CSMD1: variants seen among roughly 807,000 people sequenced by gnomAD.
CSMD1 encodes CUB and Sushi multiple domains 1.
In CSMD1, 213 loss-of-function variants were observed where a neutral mutation model predicts 417.5. The observed-to-expected ratio is 0.51, with a 90% confidence interval of 0.46 to 0.57. The LOEUF (loss-of-function observed/expected upper bound fraction) is 0.57, where lower values mean the gene tolerates loss of function less well. Among genes scored for constraint, CSMD1 ranks in the 20% least tolerant of loss-of-function variants. The pLI, the probability that CSMD1 is intolerant of heterozygous loss-of-function variation, is 0.00. For synonymous variants in CSMD1, 2,862 were observed against 1,736.8 expected, an observed-to-expected ratio of 1.65 and a Z score of -16.11; for missense variants, 6,923 against 4,529.7, an observed-to-expected ratio of 1.53 and a Z score of -15.17.
intron 1 of CSMD1, among the ~76,000 whole-genome samples, chr8:4,813,296 C>A (rs1799011514): frequency 6.6e-6 from 1 of 152,142 alleles, no homozygotes; most frequent in East Asian, 1.9e-4. Flanking sequence ...ACAAATCACT[C>A]CCCCCACAGA....
chr8:3,238,979 T>TC, intron 26 of CSMD1, among the ~76,000 whole-genome samples: 1 of 152,150 alleles, frequency 6.6e-6, no homozygotes, highest in Non-Finnish European at 1.5e-5. Flanking sequence ...ACAAGTTTTT[T>TC]GGGGCACAGT....
intron 5 of CSMD1, among the ~76,000 whole-genome samples, chr8:3,925,665 GCCT>G (rs1218877817): frequency 6.6e-6 from 1 of 151,796 alleles, no homozygotes; most frequent in South Asian, 2.1e-4. Context: ...TTCCACTTTT[GCCT>G]CCTCCTCATT....
At position 4,911,975 on chromosome 8, in the gene CSMD1, A is replaced by G. The variant is rs534742854; in HGVS notation, c.85+82357T>C. 7.2e-5 allele frequency among the ~76,000 whole-genome samples: 11 copies of G among 152,160 alleles called. No individual in the cohort carries two copies. The South Asian group carries it at 2.3e-3, about 32-fold the overall frequency. ...CCCACCCAGAAAGTTCAGTTTAATA[A>G]TTTCTCCACAAGAAGTACGTACTCT... On this transcript the variant is annotated intron_variant, in intron 1 of 69. Coordinates refer to ENST00000635120, the MANE Select transcript of CSMD1 (RefSeq NM_033225.6).
chr8:4,205,457 ATACT>A (rs896456730), intron 3 of CSMD1, among the ~76,000 whole-genome samples: 1 of 152,250 alleles, frequency 6.6e-6, no homozygotes, highest in Non-Finnish European at 1.5e-5. Flanking sequence ...GCCCATTTAT[ATACT>A]TACAAAAGCA....
Position 3,421,252 on chromosome 8 carries a change from G to C in CSMD1, c.1562-11647C>G, listed in dbSNP as rs186281170. Among the ~76,000 whole-genome samples the C allele has an allele frequency of 2.6e-5, 4 of 152,332 alleles. No homozygotes were observed. In the East Asian group the frequency reaches 7.7e-4, roughly 29 times the overall value. On this transcript the variant is annotated intron_variant, in intron 12 of 69. Coordinates refer to ENST00000635120, the MANE Select transcript of CSMD1 (RefSeq NM_033225.6). ...AAAGTATAAAAGGTGGTGGTCTTCA[G>C]AGACTGGATCCAGGGATTGGCCCTG...
At chr8:4,273,925 C>G (rs1156314807) in intron 3 of CSMD1, among the ~76,000 whole-genome samples, 1 of 152,258 alleles carries the variant, frequency 6.6e-6, no homozygotes, top group Admixed American at 6.5e-5. Flanking sequence ...CACTGGATTA[C>G]TTTTCTATGG....
At chr8:4,325,943 T>G (rs1799533392) in intron 3 of CSMD1, among the ~76,000 whole-genome samples, 1 of 152,142 alleles carries the variant, frequency 6.6e-6, no homozygotes, top group South Asian at 2.1e-4. Context: ...CCTTTTTCTG[T>G]TCACGGTCAT....
intron 5 of CSMD1, among the ~76,000 whole-genome samples, chr8:3,881,050 G>A (rs1415129294): frequency 1.3e-5 from 2 of 152,048 alleles, no homozygotes; most frequent in Non-Finnish European, 2.9e-5. Context: ...AACTATCTAT[G>A]AGTGAATTCA....
chr8:4,751,290 C>T (rs1196062243), intron 1 of CSMD1, among the ~76,000 whole-genome samples: 1 of 151,944 alleles, frequency 6.6e-6, no homozygotes. Context: ...GAGGCTGAGG[C>T]AGGAGAATCG....
chr8:4,015,502 T>G (rs112690776), intron 4 of CSMD1, among the ~76,000 whole-genome samples: 1 of 152,052 alleles, frequency 6.6e-6, no homozygotes, highest in Non-Finnish European at 1.5e-5. Context: ...CAGCTTCAGA[T>G]AGGTCTAAAA....
At chr8:4,371,964 C>T (rs936874604) in intron 3 of CSMD1, among the ~76,000 whole-genome samples, 1 of 152,170 alleles carries the variant, frequency 6.6e-6, no homozygotes, top group East Asian at 1.9e-4. Flanking sequence ...AATATAAACT[C>T]ATTGCCGTGA....
intron 37 of CSMD1, among the ~76,000 whole-genome samples, chr8:3,177,545 C>A (rs930028354): frequency 3.3e-5 from 5 of 152,232 alleles, no homozygotes; most frequent in African/African-American, 9.6e-5. Flanking sequence ...TCTAGGAGAC[C>A]ATTACAATAT....
intron 2 of CSMD1, among the ~76,000 whole-genome samples, chr8:4,504,672 C>CT (rs1802429155): frequency 6.6e-6 from 1 of 152,102 alleles, no homozygotes; most frequent in Non-Finnish European, 1.5e-5. Context: ...GTGATGTTCC[C>CT]CTCCCTGTAT....
chr8:2,936,611 A>T lies in CSMD1; in HGVS notation c.*1974T>A, dbSNP rs555104933. On this transcript the variant is annotated 3_prime_UTR_variant, in exon 70 of 70. Transcript: ENST00000635120. The stretch of plus-strand genomic sequence containing the variant: ...GTTGGCCAGGGAAAACTGTGCAGAG[A>T]ATTCAGCATAATGATACAGAATCCA... 3.3e-5 allele frequency: 5 copies of T among 152,258 alleles called. No individual in the cohort carries two copies. The South Asian group carries it at 1.0e-3, about 32-fold the overall frequency. The allele number at this position is 152,258 out of a possible 1,614,324, so 9.4% of individuals were successfully genotyped here.
intron 6 of CSMD1, among the ~76,000 whole-genome samples, chr8:3,739,964 C>G (rs1796708938): frequency 6.6e-6 from 1 of 152,142 alleles, no homozygotes; most frequent in Non-Finnish European, 1.5e-5. Context: ...GAGTTCGATT[C>G]TCCTTCATGA....
chr8:4,565,904 A>G (rs758583862), intron 2 of CSMD1, among the ~76,000 whole-genome samples: 2 of 151,280 alleles, frequency 1.3e-5, no homozygotes, highest in African/African-American at 2.4e-5. Context: ...TCCTCATAGA[A>G]ATAATGTTTT....
intron 10 of CSMD1, among the ~76,000 whole-genome samples, chr8:3,501,421 T>G (rs981220177): frequency 6.6e-6 from 1 of 152,248 alleles, no homozygotes; most frequent in African/African-American, 2.4e-5. Flanking sequence ...GAAACTGTGA[T>G]GGCAGGCAAA....
At chr8:3,315,828 C>T (rs1382078450) in intron 23 of CSMD1, among the ~76,000 whole-genome samples, 1 of 152,156 alleles carries the variant, frequency 6.6e-6, no homozygotes, top group Non-Finnish European at 1.5e-5. Context: ...AATCATAAAG[C>T]AAGTTAATCA....
intron 11 of CSMD1, among the ~76,000 whole-genome samples, chr8:3,478,966 G>A (rs1817583323): frequency 6.6e-6 from 1 of 151,932 alleles, no homozygotes; most frequent in African/African-American, 2.4e-5. Flanking sequence ...ACTGCAAAGA[G>A]TGGTCCCTCC....
Sources: gnomAD v4.1 joint callset for allele counts (sites outside exome capture counted in the v4.1 genomes callset) on GRCh38, gnomAD v4.1.1 for gene constraint, MANE v1.5 for transcripts, NCBI Gene and HGNC (gene_info 2026-07-23, HGNC 2026-07-21) for gene names.